The following KSR2 variants were observed in gnomAD, a reference collection of about 807,000 sequenced individuals.
KSR2 encodes kinase suppressor of ras 2.
A neutral mutation model predicts 107.8 loss-of-function variants in KSR2; 25 were observed. That is an observed-to-expected ratio of 0.23 (90% confidence interval 0.17 to 0.32). The LOEUF (loss-of-function observed/expected upper bound fraction) is 0.32. Ranked by LOEUF, KSR2 falls within the 10% of genes least tolerant of loss-of-function variation. The probability of loss-of-function intolerance (pLI) is 1.00; values close to 1 mark genes in which losing one functional copy is unlikely to be tolerated. For synonymous variants in KSR2, 480 were observed against 507.0 expected (o/e 0.95, Z 0.71); for missense variants, 887 against 1,268.9 (o/e 0.70, Z 4.57).
intron 3 of KSR2, among the ~76,000 whole-genome samples, chr12:117,792,404 C>T (rs1442764796): frequency 6.6e-6 from 1 of 152,114 alleles, no homozygotes; most frequent in Admixed American, 6.5e-5. Context: ...GACAGACCTG[C>T]TTACGCTACA....
At chr12:117,863,978 T>A (rs1893394448) in intron 1 of KSR2, among the ~76,000 whole-genome samples, 1 of 152,040 alleles carries the variant, frequency 6.6e-6, no homozygotes, top group South Asian at 2.1e-4. Context: ...CATTTCAAGA[T>A]CCTTATCTTA....
intron 4 of KSR2, among the ~76,000 whole-genome samples, chr12:117,727,530 G>A (rs1210123910): frequency 6.6e-6 from 1 of 152,014 alleles, no homozygotes; most frequent in East Asian, 1.9e-4. Context: ...GAGGAGGAAA[G>A]GAGGAAGAGG....
intron 4 of KSR2, among the ~76,000 whole-genome samples, chr12:117,674,117 C>T (rs936844222): frequency 2.0e-5 from 3 of 152,218 alleles, no homozygotes; most frequent in Non-Finnish European, 4.4e-5. Context: ...AAGGACTCTT[C>T]CAGTGTTGGA....
intron 14 of KSR2, among the ~76,000 whole-genome samples, chr12:117,493,075 G>T (rs548847467): frequency 6.6e-6 from 1 of 152,094 alleles, no homozygotes; most frequent in Non-Finnish European, 1.5e-5. Flanking sequence ...GTGCTGCCTC[G>T]TGAGCAGATG....
intron 5 of KSR2, among the ~76,000 whole-genome samples, chr12:117,602,899 G>A (rs1447269591): frequency 1.3e-5 from 2 of 152,108 alleles, no homozygotes; most frequent in Non-Finnish European, 2.9e-5. Flanking sequence ...CCCAGGAACT[G>A]TCTTGGAAAG....
rs1870512758 is a variant in KSR2 at position 117,454,745 on chromosome 12, C to T, written c.*12454G>A. 1 of 152,238 alleles carries T rather than the reference C, an allele frequency of 6.6e-6. No individual in the cohort carries two copies. Among genetic ancestry groups the T allele is most frequent in the Admixed American group, 6.5e-5 (1 of 15,286 alleles). 9.4% of individuals were successfully genotyped at this position (152,238 alleles called of 1,614,324 possible). On this transcript the variant is annotated 3_prime_UTR_variant, in exon 20 of 20. Transcript: ENST00000339824. The stretch of plus-strand genomic sequence containing the variant: ...GGGCCTATTCATAGAGTGATATGAA[C>T]TGTCCCAGAAAGAGGTTTTTTGCTG...
intron 9 of KSR2, among the ~76,000 whole-genome samples, chr12:117,541,112 C>A (rs1225724374): frequency 6.7e-6 from 1 of 148,610 alleles, no homozygotes. Flanking sequence ...GGGAGGCAGG[C>A]AGGGGGGAAC....
chr12:117,596,406 A>T (rs980315704), intron 5 of KSR2, among the ~76,000 whole-genome samples: 8 of 152,232 alleles, frequency 5.3e-5, no homozygotes, highest in African/African-American at 1.9e-4. Context: ...TTGGGTGGGG[A>T]CACAGCCAAA....
chr12:117,636,858 G>A (rs896274411), intron 5 of KSR2, among the ~76,000 whole-genome samples: 10 of 151,856 alleles, frequency 6.6e-5, no homozygotes, highest in African/African-American at 2.4e-4. Flanking sequence ...GCCAATAAAG[G>A]AAATAAGAAG....
At chr12:117,662,740 C>T (rs1884489943) in intron 5 of KSR2, among the ~76,000 whole-genome samples, 1 of 152,188 alleles carries the variant, frequency 6.6e-6, no homozygotes, top group Admixed American at 6.5e-5. Context: ...AGCTGCTGCA[C>T]CTGGTAGCTG....
rs138704173 is a variant in KSR2 at position 117,541,858 on chromosome 12, T to C, written c.1519-1971A>G. ...GCTTCTGGGTCAGTGAGTCTCTCCT[T>C]ATCCTTTCTTTAAATTTTATTTTTA... is the stretch of plus-strand genomic sequence containing the variant. On this transcript the variant is annotated intron_variant, in intron 9 of 19. Coordinates refer to ENST00000339824, the MANE Select transcript of KSR2 (RefSeq NM_173598.6). Among the ~76,000 whole-genome samples the C allele has an allele frequency of 1.8e-3, 274 of 152,218 alleles. 2 individuals are homozygous for C. The highest frequency in any genetic ancestry group is 6.4e-3 in the African/African-American group (264 of 41,546).
At chr12:117,561,423 A>G (rs1385421118) in intron 7 of KSR2, among the ~76,000 whole-genome samples, 1 of 152,214 alleles carries the variant, frequency 6.6e-6, no homozygotes, top group Non-Finnish European at 1.5e-5. Flanking sequence ...AATCCTCATA[A>G]CAGCCCTAAG....
intron 4 of KSR2, among the ~76,000 whole-genome samples, chr12:117,696,647 G>C (rs940264809): frequency 1.3e-5 from 2 of 152,092 alleles, no homozygotes; most frequent in Non-Finnish European, 2.9e-5. Flanking sequence ...ATTGCATTGG[G>C]TTGGATAGTG....
intron 1 of KSR2, among the ~76,000 whole-genome samples, chr12:117,942,338 G>A (rs965530661): frequency 1.3e-5 from 2 of 151,726 alleles, no homozygotes; most frequent in Non-Finnish European, 2.9e-5. Flanking sequence ...TCCTTCTATC[G>A]AGCTATATTT....
chr12:117,585,440 A>C (rs1191183692), intron 5 of KSR2, among the ~76,000 whole-genome samples: 2 of 152,206 alleles, frequency 1.3e-5, no homozygotes, highest in Non-Finnish European at 2.9e-5. Flanking sequence ...CTCATTTCCC[A>C]ATATCTGGTT....
intron 1 of KSR2, among the ~76,000 whole-genome samples, chr12:117,944,532 G>A (rs1482614253): frequency 1.3e-5 from 2 of 151,892 alleles, no homozygotes; most frequent in East Asian, 3.9e-4. Context: ...TGAATTTTAT[G>A]TGAAATGTTA....
At chr12:117,840,382 G>A (rs1182829102) in intron 3 of KSR2, among the ~76,000 whole-genome samples, 1 of 152,028 alleles carries the variant, frequency 6.6e-6, no homozygotes, top group Non-Finnish European at 1.5e-5. Flanking sequence ...ACAGGTGTGA[G>A]TCACCACACC....
In KSR2 at chr12:117,966,622, C is replaced by CAT. The variant is rs1566104094; in HGVS notation, c.180+1453_180+1454insAT. On this transcript the variant is annotated intron_variant, in intron 1 of 19. Transcript: ENST00000339824. ...TCTCTCTCTCTCTCTCACACGCGCA[C>CAT]GCACACACACACACACACACACACA... 5.4e-5 allele frequency among the ~76,000 whole-genome samples: 7 copies of CAT among 129,448 alleles called. No homozygotes were observed. The East Asian group carries it at 1.6e-3, about 29-fold the overall frequency. The allele number at this position is 129,448 out of a possible 152,430, so 84.9% of individuals were successfully genotyped here.
In KSR2 at chr12:117,465,438, G is replaced by T. The variant is rs1871098365; in HGVS notation, c.*1761C>A. 6.6e-6 allele frequency: 1 copy of T among 152,196 alleles called. No homozygotes were observed. The highest frequency in any genetic ancestry group is 1.5e-5 in the Non-Finnish European group (1 of 68,054). 9.4% of individuals were successfully genotyped at this position (152,196 alleles called of 1,614,324 possible). A position where few individuals can be genotyped will look rare whatever the true frequency, so the allele number is the denominator to read the frequency against. On this transcript the variant is annotated 3_prime_UTR_variant, in exon 20 of 20. Coordinates refer to ENST00000339824, the MANE Select transcript of KSR2 (RefSeq NM_173598.6). ...AGTGTTGGAAAGGCAATTCAGGAGGGCCCTTTGGGAAACACAGGGGTTTCC... is the reference window on the plus strand; with the variant it reads ...AGTGTTGGAAAGGCAATTCAGGAGGTCCCTTTGGGAAACACAGGGGTTTCC...
Sources: gnomAD v4.1 joint callset for allele counts (sites outside exome capture counted in the v4.1 genomes callset) on GRCh38, gnomAD v4.1.1 for gene constraint, MANE v1.5 for transcripts, NCBI Gene and HGNC (gene_info 2026-07-23, HGNC 2026-07-21) for gene names.